ARHGEF3: variants seen among roughly 807,000 people sequenced by gnomAD.
ARHGEF3 encodes 59.8 kDA protein.
ARHGEF3 carries 28 observed loss-of-function variants against 63.2 expected under a neutral mutation model. That is an observed-to-expected ratio of 0.44 (90% confidence interval 0.33 to 0.61). The LOEUF (loss-of-function observed/expected upper bound fraction) is 0.61, where lower values mean the gene tolerates loss of function less well. Ranked by LOEUF, ARHGEF3 falls within the 20% of genes least tolerant of loss-of-function variation. The probability of loss-of-function intolerance (pLI) is 0.03; values close to 1 mark genes in which losing one functional copy is unlikely to be tolerated. For missense variants in ARHGEF3, 533 were observed against 659.3 expected (o/e 0.81, Z 2.10); for synonymous variants, 266 against 254.2 (o/e 1.05, Z -0.44).
At chr3:56,751,774 T>G (rs933400393) in intron 4 of ARHGEF3, among the ~76,000 whole-genome samples, 2 of 152,204 alleles carry the variant, frequency 1.3e-5, no homozygotes, top group African/African-American at 4.8e-5. Flanking sequence ...GATTCTTTTT[T>G]CAATTAGTAC....
Position 56,801,924 on chromosome 3 carries a change from G to C in ARHGEF3, c.-126C>G. The C allele has an allele frequency of 6.5e-7, 1 of 1,540,558 alleles. No homozygotes were observed. Among genetic ancestry groups the C allele is most frequent in the South Asian group, 1.2e-5 (1 of 83,540 alleles). On this transcript the variant is annotated 5_prime_UTR_variant, in exon 1 of 10. Coordinates refer to ENST00000296315, the MANE Select transcript of ARHGEF3 (RefSeq NM_019555.3). ...GGCGGCGACACGGAGACCGACAGCC[G>C]GCTTCTAGCCGGGCAGGACTCGACT...
chr3:56,968,297 ATATAT>A lies in ARHGEF3; in HGVS notation c.63-9413_63-9409del, dbSNP rs1700745434. On this transcript the variant is annotated intron_variant, in intron 2 of 12. Transcript: ENST00000338458. ...ATATAAAATATATATAATATATATA[ATATAT>A]AATATATATAAAATATATTTTATAT... Among the ~76,000 whole-genome samples the A allele has an allele frequency of 1.3e-4, 8 of 61,658 alleles. 3 individuals carry two copies. Among genetic ancestry groups the A allele is most frequent in the Non-Finnish European group, 2.5e-4 (8 of 32,198 alleles). 40.5% of individuals were successfully genotyped at this position (61,658 alleles called of 152,430 possible). A position where few individuals can be genotyped will look rare whatever the true frequency, so the allele number is the denominator to read the frequency against.
chr3:56,798,651 T>G (rs542463738), intron 1 of ARHGEF3, among the ~76,000 whole-genome samples: 1 of 152,292 alleles, frequency 6.6e-6, no homozygotes, highest in African/African-American at 2.4e-5. Flanking sequence ...CACATTTTCT[T>G]TTAGTGATTT....
intron 1 of ARHGEF3, among the ~76,000 whole-genome samples, chr3:57,036,350 G>A (rs999772958): frequency 6.6e-6 from 1 of 152,060 alleles, no homozygotes; most frequent in Non-Finnish European, 1.5e-5. Context: ...CCCAAGTTTA[G>A]GTAAGGATTC....
At chr3:57,050,307 C>T (rs1366049304) in intron 1 of ARHGEF3, among the ~76,000 whole-genome samples, 1 of 152,232 alleles carries the variant, frequency 6.6e-6, no homozygotes, top group Non-Finnish European at 1.5e-5. Flanking sequence ...TCAGGGCCTT[C>T]CCACAGGTTG....
At chr3:57,073,596 G>A (rs1706054041) in intron 1 of ARHGEF3, 1 of 1,470,264 alleles carries the variant, frequency 6.8e-7, no homozygotes, top group Non-Finnish European at 9.0e-7. Flanking sequence ...AGTGCACTCA[G>A]AGCCAGGTTG....
At position 56,728,779 on chromosome 3, in the gene ARHGEF3, T is replaced by C. The variant is rs759070070; in HGVS notation, c.*491A>G. On this transcript the variant is annotated 3_prime_UTR_variant, in exon 10 of 10. Coordinates refer to ENST00000296315, the MANE Select transcript of ARHGEF3 (RefSeq NM_019555.3). ...TTGAGTAAGATCAAACCAAGTTCAC[T>C]TCATGAGTTGGTCTTTCCTGATTCT... The C allele has an allele frequency of 6.5e-5, 10 of 154,472 alleles. No homozygotes were observed. The highest frequency in any genetic ancestry group is 1.0e-4 in the Non-Finnish European group (7 of 69,490). The allele number at this position is 154,472 out of a possible 1,614,324, so 9.6% of individuals were successfully genotyped here.
At chr3:56,968,761 T>C (rs937141284) in intron 2 of ARHGEF3, among the ~76,000 whole-genome samples, 4 of 152,204 alleles carry the variant, frequency 2.6e-5, no homozygotes, top group Admixed American at 2.0e-4. Context: ...TACTTTATTT[T>C]TTTTCATACC....
chr3:56,751,908 T>C (rs1181266754), intron 4 of ARHGEF3, among the ~76,000 whole-genome samples: 3 of 152,104 alleles, frequency 2.0e-5, no homozygotes, highest in Non-Finnish European at 4.4e-5. Context: ...ACAACAAGAA[T>C]ACACAGTTAT....
chr3:56,968,278 AAT>A (rs1491339889), intron 2 of ARHGEF3, among the ~76,000 whole-genome samples: 7 of 27,074 alleles, frequency 2.6e-4, no homozygotes, highest in African/African-American at 5.6e-4. Flanking sequence ...TAATATATAA[AAT>A]ATATATAATA....
At chr3:56,793,014 A>AT (rs1012973018) in intron 1 of ARHGEF3, among the ~76,000 whole-genome samples, 1 of 143,614 alleles carries the variant, frequency 7.0e-6, no homozygotes, top group African/African-American at 2.5e-5. Flanking sequence ...TTTTATTTTT[A>AT]TTTTTTTGAG....
chr3:57,036,087 C>T (rs1010339), intron 1 of ARHGEF3, among the ~76,000 whole-genome samples: 57,125 of 151,958 alleles, frequency 0.38, 12,078 homozygotes, highest in Non-Finnish European at 0.47. Context: ...TGAGGCCAAA[C>T]TCTTTTTGGA....
intron 4 of ARHGEF3, among the ~76,000 whole-genome samples, chr3:56,853,061 T>C (rs1046512517): frequency 6.6e-6 from 1 of 152,236 alleles, no homozygotes; most frequent in Admixed American, 6.5e-5. Context: ...TTTTAAACTT[T>C]GAATTTGATC....
chr3:56,894,430 T>C (rs902348641), intron 3 of ARHGEF3, among the ~76,000 whole-genome samples: 5 of 152,184 alleles, frequency 3.3e-5, no homozygotes, highest in African/African-American at 4.8e-5. Flanking sequence ...TTCAGAAATA[T>C]TGTGGGCCCC....
At chr3:56,868,799 G>T (rs896850044) in intron 4 of ARHGEF3, among the ~76,000 whole-genome samples, 1 of 152,114 alleles carries the variant, frequency 6.6e-6, no homozygotes, top group Admixed American at 6.5e-5. Flanking sequence ...GCTTAGATGC[G>T]CCTTCTCTGT....
At chr3:57,076,808 T>G (rs549013429) in intron 1 of ARHGEF3, 8 of 152,260 alleles carry the variant, frequency 5.3e-5, no homozygotes, top group Admixed American at 4.6e-4. Flanking sequence ...CTGTATGCCA[T>G]GGAGCAGGAG....
chr3:56,832,322 G>C (rs890064407), intron 4 of ARHGEF3, among the ~76,000 whole-genome samples: 3 of 152,130 alleles, frequency 2.0e-5, no homozygotes, highest in Non-Finnish European at 4.4e-5. Flanking sequence ...TTTGCTTCCA[G>C]GGCTTTAAAA....
chr3:57,030,031 A>G (rs1703666622), intron 2 of ARHGEF3, among the ~76,000 whole-genome samples: 1 of 152,188 alleles, frequency 6.6e-6, no homozygotes, highest in African/African-American at 2.4e-5. Flanking sequence ...GAGAGCAGCT[A>G]AGAGCAAGCA....
At position 56,859,057 on chromosome 3, in the gene ARHGEF3, G is replaced by C. The variant is rs1291928786; in HGVS notation, c.192+23235C>G. Among the ~76,000 whole-genome samples the C allele has an allele frequency of 4.6e-5, 7 of 152,204 alleles. No individual in the cohort carries two copies. In the East Asian group the frequency reaches 1.3e-3, roughly 29 times the overall value. On this transcript the variant is annotated intron_variant, in intron 4 of 12. Transcript: ENST00000338458. Reference sequence around the variant, plus strand: ...CTGTGGGGGCAGGGAGATTATGGGAGTGATTTATCCCGCCAGGGAAGAGTA... The same window carrying C: ...CTGTGGGGGCAGGGAGATTATGGGACTGATTTATCCCGCCAGGGAAGAGTA...
Sources: gnomAD v4.1 joint callset for allele counts (sites outside exome capture counted in the v4.1 genomes callset) on GRCh38, gnomAD v4.1.1 for gene constraint, MANE v1.5 for transcripts, NCBI Gene and HGNC (gene_info 2026-07-23, HGNC 2026-07-21) for gene names.